Variants in AGBL2 observed in about 807,000 individuals in gnomAD.
The protein encoded by AGBL2 is AGBL carboxypeptidase 2.
In AGBL2, 87 loss-of-function variants were observed where a neutral mutation model predicts 103.0. The ratio of observed to expected loss-of-function variants is 0.84; its 90% CI spans 0.71 to 1.01. The LOEUF is 1.01. AGBL2 is among the 50% of genes least tolerant of loss of function. The pLI, the probability that AGBL2 is intolerant of heterozygous loss-of-function variation, is 0.00. For synonymous variants in AGBL2, 335 were observed against 356.7 expected (o/e 0.94, Z 0.69); for missense variants, 904 against 1,023.5 (o/e 0.88, Z 1.59).
intron 18 of AGBL2, among the ~76,000 whole-genome samples, chr11:47,661,771 T>C (rs183271702): frequency 6.6e-6 from 1 of 152,006 alleles, no homozygotes; most frequent in Admixed American, 6.6e-5. Context: ...TTTTTTTTTT[T>C]GGAGACAGAG....
intron 17 of AGBL2, 152 bp downstream of exon 17, chr11:47,666,804 C>T (rs1409705607): frequency 4.4e-6 from 3 of 689,046 alleles, no homozygotes; most frequent in Non-Finnish European, 7.9e-6. Flanking sequence ...GTGTCAATGT[C>T]TCCCCCAGTT....
chr11:47,693,812 T>C (rs1022200692), intron 8 of AGBL2, among the ~76,000 whole-genome samples: 10 of 152,184 alleles, frequency 6.6e-5, no homozygotes, highest in African/African-American at 2.4e-4. Context: ...GAATATGTTA[T>C]TCTTGTCATG....
At chr11:47,696,010 C>CAAAAAAAAAAAAAAAAAAAAAAAAAAAAA (rs1171058500) in intron 8 of AGBL2, among the ~76,000 whole-genome samples, 1 of 17,200 alleles carries the variant, frequency 5.8e-5, no homozygotes, top group Non-Finnish European at 9.3e-5. Flanking sequence ...ACTAAAAATA[C>CAAAAAAAAAAAAAAAAAAAAAAAAAAAAA]AAAAAAAAAA....
intron 4 of AGBL2, among the ~76,000 whole-genome samples, chr11:47,709,635 T>C (rs1258917865): frequency 6.6e-6 from 1 of 151,956 alleles, no homozygotes; most frequent in Non-Finnish European, 1.5e-5. Flanking sequence ...TTGCCCAGGC[T>C]GGAATGCAGT....
At chr11:47,672,398 T>A (rs546663161) in intron 14 of AGBL2, among the ~76,000 whole-genome samples, 94 of 152,232 alleles carry the variant, frequency 6.2e-4, no homozygotes, top group African/African-American at 2.2e-3. Context: ...CACTGCAGCC[T>A]TGACCTCCTG....
At chr11:47,695,379 G>C (rs1227706721) in intron 8 of AGBL2, among the ~76,000 whole-genome samples, 1 of 150,658 alleles carries the variant, frequency 6.6e-6, no homozygotes, top group Admixed American at 6.7e-5. Context: ...GGAGGCTGAG[G>C]CAGGAGAATC....
intron 7 of AGBL2, among the ~76,000 whole-genome samples, chr11:47,703,270 A>T (rs2097505393): frequency 6.6e-6 from 1 of 152,154 alleles, no homozygotes; most frequent in Non-Finnish European, 1.5e-5. Context: ...ATTTTTAGAT[A>T]AGATGCTATG....
chr11:47,712,086 TATC>T (rs1417183442), intron 3 of AGBL2, among the ~76,000 whole-genome samples: 1 of 152,080 alleles, frequency 6.6e-6, no homozygotes, highest in African/African-American at 2.4e-5. Context: ...AATAAATAAA[TATC>T]ATAATAGTTT....
chr11:47,667,139 T>C, intron 16 of AGBL2, 76 bp from the exon 17 acceptor site: 2 of 1,012,126 alleles, frequency 2.0e-6, no homozygotes, highest in Non-Finnish European at 2.9e-6. Context: ...CAGCAAAACT[T>C]GTACTTCTGA....
At chr11:47,678,288 CTATTTTATTTTATTTTATTT>C (rs10557006) in intron 13 of AGBL2, among the ~76,000 whole-genome samples, 52 of 123,924 alleles carry the variant, frequency 4.2e-4, no homozygotes, top group East Asian at 1.1e-3. Flanking sequence ...ATGCAATACT[CTATTTTATTTTATTTTATTT>C]TATTTTATTT....
At chr11:47,675,199 CTTTTTTTTTTTTTT>C (rs34012734) in intron 14 of AGBL2, among the ~76,000 whole-genome samples, 3 of 58,202 alleles carry the variant, frequency 5.2e-5, no homozygotes, top group African/African-American at 8.2e-5. Flanking sequence ...TCCCACCAGT[CTTTTTTTTTTTTTT>C]TTTTTTTTTT....
chr11:47,704,618 A>G lies in AGBL2; in HGVS notation c.511T>C (p.Ser171Pro), dbSNP rs2097511030. 2 of 1,614,040 alleles carry G rather than the reference A, an allele frequency of 1.2e-6. No individual in the cohort carries two copies. Among genetic ancestry groups the G allele is most frequent in the Non-Finnish European group, 8.5e-7 (1 of 1,180,040 alleles). Residue 171 changes from serine to proline, a missense_variant, in exon 7 of 19, where the codon TCT becomes CCT. Physicochemically the swap from Ser to Pro is moderately conservative, Grantham distance 74. Coordinates refer to ENST00000525123, the MANE Select transcript of AGBL2 (RefSeq NM_024783.4). The stretch of plus-strand genomic sequence containing the variant: ...GGAGCCTGCAGTGGCCTCTTGGTAG[A>G]CAAAATGGAAAAGAGCTCTTGGGGT... ...REPQELFSIL[S>P]TKRPLQAPRW...
At chr11:47,704,970 A>T (rs2097512406) in intron 6 of AGBL2, 2 of 339,944 alleles carry the variant, frequency 5.9e-6, no homozygotes, top group Admixed American at 8.9e-5. Flanking sequence ...GGTAAATTAA[A>T]AACCTTTTAA....
chr11:47,697,540 CTTTT>C (rs56014951), intron 8 of AGBL2, among the ~76,000 whole-genome samples: 4 of 50,404 alleles, frequency 7.9e-5, no homozygotes, highest in African/African-American at 1.6e-4. Flanking sequence ...GCCAAGCCTA[CTTTT>C]TTTTTTTTTT....
At chr11:47,664,885 T>TA (rs1176345559) in intron 17 of AGBL2, among the ~76,000 whole-genome samples, 14 of 137,916 alleles carry the variant, frequency 1.0e-4, no homozygotes, top group East Asian at 2.3e-4. Flanking sequence ...CCTTTTTTTT[T>TA]TTTTTTTTTA....
intron 10 of AGBL2, among the ~76,000 whole-genome samples, chr11:47,688,008 A>T (rs1198687053): frequency 6.6e-6 from 1 of 151,868 alleles, no homozygotes; most frequent in Non-Finnish European, 1.5e-5. Flanking sequence ...GGGTTTCACC[A>T]TGTTGGCTAG....
intron 14 of AGBL2, among the ~76,000 whole-genome samples, chr11:47,675,865 G>A (rs2097373107): frequency 6.6e-6 from 1 of 151,982 alleles, no homozygotes; most frequent in Non-Finnish European, 1.5e-5. Flanking sequence ...AATTAACCGG[G>A]CATGATGGTG....
At chr11:47,701,826 G>A (rs917522181) in intron 7 of AGBL2, among the ~76,000 whole-genome samples, 5 of 151,818 alleles carry the variant, frequency 3.3e-5, no homozygotes, top group African/African-American at 1.2e-4. Context: ...TATAAAAAAT[G>A]AGCAGAGTGT....
chr11:47,690,207 C>T lies in AGBL2; in HGVS notation c.1500G>A (p.Met500Ile). ...RDIFVFKVLP[M>I]LNPDGVIVGN... ...CCACAATCACACCATCTGGATTTAA[C>T]ATGGGAAGCACCTTGAAGACAAAAA... Residue 500 changes from methionine to isoleucine, a missense_variant, in exon 10 of 19, where the codon ATG (methionine) becomes ATA (isoleucine). Coordinates refer to ENST00000525123, the MANE Select transcript of AGBL2 (RefSeq NM_024783.4). 6.2e-7 allele frequency: 1 copy of T among 1,614,200 alleles called. No individual in the cohort carries two copies. The highest frequency in any genetic ancestry group is 8.5e-7 in the Non-Finnish European group (1 of 1,180,048).
Sources: gnomAD v4.1 joint callset for allele counts (sites outside exome capture counted in the v4.1 genomes callset) on GRCh38, gnomAD v4.1.1 for gene constraint, MANE v1.5 for transcripts, NCBI Gene and HGNC (gene_info 2026-07-23, HGNC 2026-07-21) for gene names.